Variants in ZMYND8 observed in about 807,000 individuals in gnomAD.
ZMYND8 encodes zinc finger MYND-type containing 8, also known as MYND-type zinc finger-containing chromatin reader ZMYND8.
ZMYND8 carries 37 observed loss-of-function variants against 140.8 expected under a neutral mutation model. That is an observed-to-expected ratio of 0.26 (90% CI 0.20 to 0.35). The LOEUF is 0.35. Ranked by LOEUF, ZMYND8 falls within the 10% of genes least tolerant of loss-of-function variation. ZMYND8 has a pLI of 1.00. For missense variants in ZMYND8, 1,068 were observed against 1,570.0 expected (o/e 0.68, Z 5.40); for synonymous variants, 592 against 597.1 (o/e 0.99, Z 0.12).
chr20:47,215,876 G>A (rs1002570751), intron 21 of ZMYND8, among the ~76,000 whole-genome samples: 1 of 152,170 alleles, frequency 6.6e-6, no homozygotes, highest in African/African-American at 2.4e-5. Flanking sequence ...ATAAGAACAT[G>A]GCCATTGTCA....
chr20:47,224,674 G>A, intron 18 of ZMYND8, 118 bp from the exon 19 acceptor site: 1 of 1,533,144 alleles, frequency 6.5e-7, no homozygotes, highest in Middle Eastern at 2.2e-4. Context: ...AGAAGCCCTG[G>A]CTGTGTGCCC....
chr20:47,228,430 CA>C (rs1008718490), intron 17 of ZMYND8, among the ~76,000 whole-genome samples: 1 of 151,860 alleles, frequency 6.6e-6, no homozygotes, highest in Non-Finnish European at 1.5e-5. Context: ...CTCTAAAATC[CA>C]AAAAAAATTC....
chr20:47,289,496 G>C (rs1601627130), intron 7 of ZMYND8, among the ~76,000 whole-genome samples: 3 of 152,054 alleles, frequency 2.0e-5, no homozygotes, highest in Admixed American at 2.0e-4. Flanking sequence ...TCCATGCAAA[G>C]ACTTGCACAA....
intron 10 of ZMYND8, among the ~76,000 whole-genome samples, chr20:47,279,049 C>T (rs1208480812): frequency 6.6e-6 from 1 of 152,104 alleles, no homozygotes; most frequent in Non-Finnish European, 1.5e-5. Context: ...CCTCGCCCCC[C>T]TGACCTGCTC....
intron 2 of ZMYND8, among the ~76,000 whole-genome samples, chr20:47,332,296 G>A (rs1022918791): frequency 9.2e-5 from 14 of 152,062 alleles, no homozygotes; most frequent in Non-Finnish European, 1.9e-4. Context: ...GGGCAATATA[G>A]TGAGACTCAA....
intron 2 of ZMYND8, among the ~76,000 whole-genome samples, chr20:47,311,878 A>G (rs987497635): frequency 1.3e-5 from 2 of 152,170 alleles, no homozygotes; most frequent in African/African-American, 4.8e-5. Flanking sequence ...CTCAAAAATA[A>G]TAATAAAAAT....
At chr20:47,220,223 T>A in intron 21 of ZMYND8, 35 bp downstream of exon 21, 1 of 1,535,636 alleles carries the variant, frequency 6.5e-7, no homozygotes, top group Non-Finnish European at 8.8e-7. Flanking sequence ...ATCTGAAATG[T>A]GAAAGCACCG....
intron 2 of ZMYND8, among the ~76,000 whole-genome samples, chr20:47,313,393 C>A (rs1287177017): frequency 6.6e-6 from 1 of 151,870 alleles, no homozygotes; most frequent in Non-Finnish European, 1.5e-5. Context: ...GAGGCCAAGG[C>A]GGGCGGATTA....
rs185349852 is a variant in ZMYND8 at position 47,293,989 on chromosome 20, C to T, written c.567+677G>A. ...TGTAAAACGTGCCTTGCTTCCCCTT[C>T]GCCTTCCACCATCATTTTAAGTTTC... On this transcript the variant is annotated intron_variant, in intron 5 of 22. Transcript: ENST00000471951. Among the ~76,000 whole-genome samples, 693 of 152,278 alleles carry T rather than the reference C, an allele frequency of 4.6e-3. 4 individuals carry two copies. Among genetic ancestry groups the T allele is most frequent in the African/African-American group, 0.016 (664 of 41,558 alleles).
chr20:47,216,481 C>T (rs565347788), intron 21 of ZMYND8, among the ~76,000 whole-genome samples: 55 of 113,028 alleles, frequency 4.9e-4, no homozygotes, highest in Admixed American at 7.1e-4. Context: ...GACAACAGAG[C>T]GAAGACTCTG....
Position 47,227,213 on chromosome 20 carries a change from T to C in ZMYND8, c.3006A>G (p.Lys1002=). The change falls in exon 18 of 23, where the codon AAA becomes AAG. Residue 1002 remains lysine (K), a synonymous_variant. Transcript: ENST00000471951. The part of the protein sequence containing the change: ...WLHQQELSEM[K]HNLELTMAEM... The stretch of plus-strand genomic sequence containing the variant: ...TGTGTCAGGCCTTACCTAAGTTGTG[T>C]TTCATTTCGGAGAGCTCTTGCTGGT... 1 of 1,614,158 alleles carries C rather than the reference T, an allele frequency of 6.2e-7. No homozygotes were observed. Among genetic ancestry groups the C allele is most frequent in the Non-Finnish European group, 8.5e-7 (1 of 1,180,016 alleles).
At chr20:47,286,769 A>G (rs1339617786) in intron 8 of ZMYND8, among the ~76,000 whole-genome samples, 1 of 152,162 alleles carries the variant, frequency 6.6e-6, no homozygotes, top group East Asian at 1.9e-4. Context: ...CATCCACGCC[A>G]TCACAATTAT....
At chr20:47,270,624 G>C (rs1382927511) in intron 11 of ZMYND8, among the ~76,000 whole-genome samples, 1 of 149,724 alleles carries the variant, frequency 6.7e-6, no homozygotes, top group Non-Finnish European at 1.5e-5. Context: ...TACTCAGGAG[G>C]CTAAGGCGGG....
At chr20:47,238,690 G>T in intron 15 of ZMYND8, 68 bp downstream of exon 15, 3 of 1,547,544 alleles carry the variant, frequency 1.9e-6, no homozygotes, top group South Asian at 1.2e-5. Context: ...AAAGAGCAAT[G>T]ACTTTCTCCT....
At chr20:47,264,125 C>T (rs1190811568) in intron 11 of ZMYND8, among the ~76,000 whole-genome samples, 4 of 152,168 alleles carry the variant, frequency 2.6e-5, no homozygotes, top group Non-Finnish European at 2.9e-5. Flanking sequence ...GAAACTGACA[C>T]GCCGCATAGG....
chr20:47,286,390 GC>G (rs1415840611), intron 8 of ZMYND8, among the ~76,000 whole-genome samples: 1 of 152,006 alleles, frequency 6.6e-6, no homozygotes, highest in Non-Finnish European at 1.5e-5. Context: ...TGTTGGCCAG[GC>G]TGGTCTTGAA....
At chr20:47,292,475 C>T (rs1421799391) in intron 5 of ZMYND8, among the ~76,000 whole-genome samples, 1 of 151,848 alleles carries the variant, frequency 6.6e-6, no homozygotes, top group African/African-American at 2.4e-5. Flanking sequence ...TTTGCTTCCA[C>T]TGATTGAGAT....
At position 47,298,963 on chromosome 20, in the gene ZMYND8, A is replaced by G. The variant is rs759577141; in HGVS notation, c.235-16T>C. 1.2e-6 allele frequency: 2 copies of G among 1,611,448 alleles called. No individual in the cohort carries two copies. The highest frequency in any genetic ancestry group is 1.7e-6 in the Non-Finnish European group (2 of 1,177,584). Reference sequence around the variant, plus strand: ...TTAGTTCTGACTGAAATGTAGGCAAAAAGACAGGTTTGGTTTCAAAACAAA... The same window carrying G: ...TTAGTTCTGACTGAAATGTAGGCAAGAAGACAGGTTTGGTTTCAAAACAAA... On this transcript the variant is annotated splice_polypyrimidine_tract_variant and intron_variant, in intron 3 of 22. Coordinates refer to ENST00000471951, the MANE Select transcript of ZMYND8 (RefSeq NM_001281775.3). This position sits in a 1 kb window ranked among gnomAD's most constrained non-coding sequence, Gnocchi z 5.0.
chr20:47,280,550 A>G (rs1044774152), intron 10 of ZMYND8, among the ~76,000 whole-genome samples: 1 of 152,154 alleles, frequency 6.6e-6, no homozygotes, highest in Non-Finnish European at 1.5e-5. Flanking sequence ...GTCACAGCTG[A>G]GAGACTACAG....
Sources: gnomAD v4.1 joint callset for allele counts (sites outside exome capture counted in the v4.1 genomes callset) on GRCh38, gnomAD v4.1.1 for gene constraint, Gnocchi (gnomAD v3.1) non-coding constraint, MANE v1.5 for transcripts, NCBI Gene and HGNC (gene_info 2026-07-23, HGNC 2026-07-21) for gene names.